ANK2: variants seen among roughly 807,000 people sequenced by gnomAD.
The protein encoded by ANK2 is ankyrin-2.
ANK2 carries 83 observed loss-of-function variants against 360.5 expected under a neutral mutation model. The observed-to-expected ratio is 0.23, with a 90% CI of 0.19 to 0.28. The LOEUF is 0.28. Among genes scored for constraint, ANK2 ranks in the 10% least tolerant of loss-of-function variants. The pLI is 1.00. For missense variants in ANK2, 4,201 were observed against 4,795.7 expected, an observed-to-expected ratio of 0.88 and a Z score of 3.66; for synonymous variants, 1,740 against 1,759.5, an observed-to-expected ratio of 0.99 and a Z score of 0.28.
chr4:113,074,216 G>A (rs967287741), intron 1 of ANK2, among the ~76,000 whole-genome samples: 2 of 152,126 alleles, frequency 1.3e-5, no homozygotes, highest in Admixed American at 6.6e-5. Flanking sequence ...TGTTCAACTT[G>A]ATGTGTATTT....
chr4:113,264,075 A>G (rs1222560217), intron 13 of ANK2, among the ~76,000 whole-genome samples: 1 of 152,190 alleles, frequency 6.6e-6, no homozygotes, highest in Non-Finnish European at 1.5e-5. Context: ...CAGTCACTTT[A>G]TTCATCTTTC....
At chr4:113,127,585 G>A (rs1391809768) in intron 1 of ANK2, among the ~76,000 whole-genome samples, 1 of 152,024 alleles carries the variant, frequency 6.6e-6, no homozygotes, top group African/African-American at 2.4e-5. Context: ...CTTGAGGATA[G>A]GTAGGTGGTA....
chr4:112,982,616 G>T (rs915499736), intron 2 of ANK2, among the ~76,000 whole-genome samples: 2 of 152,196 alleles, frequency 1.3e-5, no homozygotes, highest in African/African-American at 4.8e-5. Flanking sequence ...TAGAAGAAAA[G>T]TTGAAGAGAG....
intron 41 of ANK2, among the ~76,000 whole-genome samples, chr4:113,365,857 A>G (rs1163260661): frequency 6.6e-6 from 1 of 152,166 alleles, no homozygotes; most frequent in East Asian, 1.9e-4. Context: ...ACATGAGTGC[A>G]TCTCAATGCA....
chr4:113,073,246 G>A (rs1009991264), intron 1 of ANK2, among the ~76,000 whole-genome samples: 2 of 152,058 alleles, frequency 1.3e-5, no homozygotes, highest in East Asian at 1.9e-4. Flanking sequence ...GTGAGCCACC[G>A]TGTCTGGCTG....
At chr4:112,810,918 TTTTC>T in the ANK2 span, among the ~76,000 whole-genome samples, 5 of 144,946 alleles carry the variant, frequency 3.4e-5, no homozygotes, top group African/African-American at 5.1e-5. Context: ...TCAATTTTCT[TTTTC>T]TTTCTTTCTT....
intron 2 of ANK2, among the ~76,000 whole-genome samples, chr4:112,989,301 AAC>A (rs2045970886): frequency 2.0e-5 from 3 of 152,196 alleles, no homozygotes; most frequent in Non-Finnish European, 4.4e-5. Flanking sequence ...GCAGAAACTC[AAC>A]TGATAACTTC....
chr4:112,799,924 A>T, the ANK2 span, among the ~76,000 whole-genome samples: 26 of 150,890 alleles, frequency 1.7e-4, no homozygotes, highest in African/African-American at 5.6e-4. Context: ...AACCTGTCTC[A>T]GTTCCTAGCC....
rs771533835 is a variant in ANK2 at position 113,358,026 on chromosome 4, A to G, written c.9408A>G (p.Gln3136=). 6.2e-7 allele frequency: 1 copy of G among 1,614,078 alleles called. No homozygotes were observed. Among genetic ancestry groups the G allele is most frequent in the Non-Finnish European group, 8.5e-7 (1 of 1,179,968 alleles). ...DESFHFFQIG[Q]ESREETLSED... ...GTTTTCACTTTTTCCAAATTGGTCA[A>G]GAATCCAGGGAAGAGACTCTCTCTG... is the stretch of plus-strand genomic sequence containing the variant. Residue 3136 remains glutamine, a synonymous_variant, in exon 38 of 46, where the codon CAA becomes CAG. Transcript: ENST00000357077.
intron 16 of ANK2, 151 bp downstream of exon 16, chr4:113,278,086 CGTCCAGGTACAT>C (rs1307799586): frequency 2.5e-6 from 2 of 796,874 alleles, no homozygotes; most frequent in African/African-American, 3.4e-5. Context: ...CTTCCATGAC[CGTCCAGGTACAT>C]ACACACTGAT....
chr4:113,360,937 A>G (rs1221789695), intron 39 of ANK2, 40 bp downstream of exon 39: 10 of 1,533,626 alleles, frequency 6.5e-6, no homozygotes, highest in Non-Finnish European at 8.1e-6. Flanking sequence ...AAAACCTGAC[A>G]TAGATGCATC....
At chr4:112,804,065 C>A in the ANK2 span, among the ~76,000 whole-genome samples, 7 of 150,416 alleles carry the variant, frequency 4.7e-5, no homozygotes, top group Non-Finnish European at 8.8e-5. Flanking sequence ...GTCACCCAGG[C>A]TGGAGGGCAG....
chr4:112,842,230 G>A (rs916962174), intron 1 of ANK2, among the ~76,000 whole-genome samples: 5 of 152,142 alleles, frequency 3.3e-5, no homozygotes, highest in African/African-American at 4.8e-5. Flanking sequence ...GTCTTGTCTC[G>A]AAATCCTGAC....
chr4:113,061,904 C>T (rs1463609440), intron 1 of ANK2, among the ~76,000 whole-genome samples: 1 of 151,716 alleles, frequency 6.6e-6, no homozygotes, highest in Non-Finnish European at 1.5e-5. Context: ...TGATAGATAC[C>T]CTGTTTACCC....
At chr4:112,939,483 T>TG (rs2094032921) in intron 2 of ANK2, among the ~76,000 whole-genome samples, 1 of 151,242 alleles carries the variant, frequency 6.6e-6, no homozygotes, top group Non-Finnish European at 1.5e-5. Context: ...CTAATTTTTT[T>TG]TTTGTATTTT....
chr4:113,080,343 C>T (rs1191883054), intron 1 of ANK2, among the ~76,000 whole-genome samples: 1 of 152,136 alleles, frequency 6.6e-6, no homozygotes, highest in African/African-American at 2.4e-5. Flanking sequence ...AAGCAGTCTA[C>T]ATTGTTCTCC....
intron 1 of ANK2, among the ~76,000 whole-genome samples, chr4:113,074,914 A>G (rs1237473198): frequency 6.6e-6 from 1 of 152,252 alleles, no homozygotes; most frequent in Non-Finnish European, 1.5e-5. Flanking sequence ...TACTCTTAAA[A>G]CAACAGGGTT....
At chr4:113,251,833 GA>G (rs1009503204) in intron 10 of ANK2, among the ~76,000 whole-genome samples, 4 of 149,442 alleles carry the variant, frequency 2.7e-5, no homozygotes, top group Admixed American at 6.7e-5. Flanking sequence ...GGGCATGATA[GA>G]AAAAAAAAGA....
chr4:113,170,019 T>A (rs1356801753), intron 1 of ANK2, among the ~76,000 whole-genome samples: 2 of 152,208 alleles, frequency 1.3e-5, no homozygotes, highest in Non-Finnish European at 2.9e-5. Context: ...ACCTTTTTTG[T>A]AAGTATGTTG....
Sources: allele counts gnomAD v4.1 joint callset (sites outside exome capture counted in the v4.1 genomes callset), GRCh38; gene constraint gnomAD v4.1.1; transcripts MANE v1.5; gene names NCBI Gene and HGNC (gene_info 2026-07-23, HGNC 2026-07-21).